Variants in USP43 observed in about 807,000 individuals in gnomAD.
USP43 encodes ubiquitin carboxyl-terminal hydrolase 43.
In USP43, 33 loss-of-function variants were observed where a neutral mutation model predicts 90.7. The ratio of observed to expected loss-of-function variants is 0.36; its 90% CI spans 0.28 to 0.49. USP43 has a LOEUF of 0.49. Among genes scored for constraint, USP43 ranks in the 20% least tolerant of loss-of-function variants. USP43 has a pLI of 0.98. For synonymous variants in USP43, 598 were observed against 615.8 expected (o/e 0.97, Z 0.43); for missense variants, 1,274 against 1,476.4 (o/e 0.86, Z 2.25).
intron 2 of USP43, among the ~76,000 whole-genome samples, chr17:9,658,521 C>T (rs532362731): frequency 2.2e-4 from 34 of 152,196 alleles, no homozygotes; most frequent in African/African-American, 7.9e-4. Context: ...AAATAATCAC[C>T]CCAGTCATTC....
rs1017327407 is a variant in USP43, at chr17:9,701,005, C to T, written c.1536-114C>T. On this transcript the variant is annotated intron_variant, in intron 10 of 14. Coordinates refer to ENST00000285199, the MANE Select transcript of USP43 (RefSeq NM_153210.5). The surrounding 1 kb of genome is among the most constrained non-coding windows in gnomAD (Gnocchi z 7.2). ...TCTCCAGGAACCCATAGGCAGGGCA[C>T]GGTAGTGTGGCCTGGCCAATGTCTG... The T allele has an allele frequency of 4.8e-5, 63 of 1,325,854 alleles. No homozygotes were observed. The highest frequency in any genetic ancestry group is 1.3e-4 in the Admixed American group (4 of 30,196). 82.1% of individuals were successfully genotyped at this position (1,325,854 alleles called of 1,614,324 possible). A position where few individuals can be genotyped will look rare whatever the true frequency, so the allele number is the denominator to read the frequency against.
chr17:9,646,151 GCCGCCGA>G lies in USP43; in HGVS notation c.504+21_504+27del. 1 of 1,410,230 alleles carries G rather than the reference GCCGCCGA, an allele frequency of 7.1e-7. No individual in the cohort carries two copies. The highest frequency in any genetic ancestry group is 9.2e-7 in the Non-Finnish European group (1 of 1,086,554). 87.4% of individuals were successfully genotyped at this position (1,410,230 alleles called of 1,614,324 possible). ...CGGAGTTCAAGGTAGGCAGCGCTGCGCCGCCGACCGCCCTGTCCCCCTGGTTTCGCCT... is the reference window on the plus strand; with the variant it reads ...CGGAGTTCAAGGTAGGCAGCGCTGCGCCGCCCTGTCCCCCTGGTTTCGCCT... On this transcript the variant is annotated intron_variant, in intron 1 of 14. Transcript: ENST00000285199.
At chr17:9,723,104 T>C (rs1185442840) in intron 14 of USP43, among the ~76,000 whole-genome samples, 1 of 152,218 alleles carries the variant, frequency 6.6e-6, no homozygotes, top group East Asian at 1.9e-4. Context: ...GTTGCACGAC[T>C]CTTGAGTCGC....
At position 9,656,388 on chromosome 17, in the gene USP43, CTT is replaced by C. The variant is rs761277685; in HGVS notation, c.505-10_505-9del. On this transcript the variant is annotated splice_polypyrimidine_tract_variant and intron_variant, in intron 1 of 14. Coordinates refer to ENST00000285199, the MANE Select transcript of USP43 (RefSeq NM_153210.5). ...GGGGCCAAATTCACCTCTCGATTTCCTTTTTTCCTTTCAGAATGCAGTTTCCA... is the reference window on the plus strand; with the variant it reads ...GGGGCCAAATTCACCTCTCGATTTCCTTTTCCTTTCAGAATGCAGTTTCCA... The C allele has an allele frequency of 6.2e-7, 1 of 1,608,678 alleles. No individual in the cohort carries two copies. The highest frequency in any genetic ancestry group is 8.5e-7 in the Non-Finnish European group (1 of 1,177,610).
At chr17:9,673,674 G>A (rs1913585547) in intron 3 of USP43, among the ~76,000 whole-genome samples, 1 of 152,212 alleles carries the variant, frequency 6.6e-6, no homozygotes, top group African/African-American at 2.4e-5. Flanking sequence ...GGAATGATAT[G>A]AGCACGGAGT....
Position 9,701,173 on chromosome 17 carries a change from G to A in USP43, c.1590G>A (p.Gln530=), listed in dbSNP as rs762900054. Residue 530 remains glutamine, a synonymous_variant, in exon 11 of 15, where the codon CAG becomes CAA. Coordinates refer to ENST00000285199, the MANE Select transcript of USP43 (RefSeq NM_153210.5). This position sits in a 1 kb window ranked among gnomAD's most constrained non-coding sequence, Gnocchi z 7.2. Reference sequence around the variant, plus strand: ...CGCAGGATGCCGACAGTGTGTGGCAGCAGCAGCAGGCGCATCAGCAGCACA... The same window carrying A: ...CGCAGGATGCCGACAGTGTGTGGCAACAGCAGCAGGCGCATCAGCAGCACA... ...ERAQDADSVW[Q]QQQAHQQHSC... The A allele has an allele frequency of 1.3e-6, 2 of 1,541,822 alleles. No homozygotes were observed.
chr17:9,710,595 C>T (rs917093178), intron 13 of USP43, among the ~76,000 whole-genome samples: 12 of 147,972 alleles, frequency 8.1e-5, no homozygotes, highest in African/African-American at 3.0e-4. Context: ...ACCTCTGCCT[C>T]TTGGGTTCAA....
At chr17:9,663,400 C>T (rs553866240) in intron 2 of USP43, among the ~76,000 whole-genome samples, 2 of 151,328 alleles carry the variant, frequency 1.3e-5, no homozygotes, top group East Asian at 2.0e-4. Flanking sequence ...CAGGTTAAAG[C>T]GATTCTCCTG....
chr17:9,714,407 C>T (rs1423496095), intron 14 of USP43, among the ~76,000 whole-genome samples: 2 of 152,200 alleles, frequency 1.3e-5, no homozygotes, highest in South Asian at 2.1e-4. Flanking sequence ...GAAGGCCGGG[C>T]ACAGTGGCTC....
intron 2 of USP43, 39 bp downstream of exon 2, chr17:9,656,573 C>CT (rs754002461): frequency 3.9e-6 from 6 of 1,553,400 alleles, no homozygotes; most frequent in South Asian, 1.2e-5. Flanking sequence ...ACTGGGTTTT[C>CT]TTTTTTTCTT....
intron 14 of USP43, among the ~76,000 whole-genome samples, chr17:9,719,877 G>C (rs1334346917): frequency 6.6e-6 from 1 of 152,148 alleles, no homozygotes; most frequent in Non-Finnish European, 1.5e-5. Flanking sequence ...GACCAGCCTG[G>C]TCCACATGGC....
chr17:9,690,924 G>A (rs1370504443), intron 8 of USP43, among the ~76,000 whole-genome samples: 2 of 152,014 alleles, frequency 1.3e-5, no homozygotes, highest in Non-Finnish European at 1.5e-5. Context: ...ACAATTCCAC[G>A]TTTTCTCCTC....
intron 8 of USP43, among the ~76,000 whole-genome samples, chr17:9,692,218 G>T (rs1218379321): frequency 6.6e-6 from 1 of 151,960 alleles, no homozygotes; most frequent in East Asian, 1.9e-4. Context: ...AATTAGCCAG[G>T]TGTGGTGGCA....
chr17:9,650,536 G>A (rs1911781401), intron 1 of USP43, among the ~76,000 whole-genome samples: 1 of 152,078 alleles, frequency 6.6e-6, no homozygotes, highest in African/African-American at 2.4e-5. Flanking sequence ...CCAAGTAGCT[G>A]GGATTACAGA....
rs749659296 is a variant in USP43, at chr17:9,728,682, C to G, written c.3064C>G (p.Pro1022Ala). The G allele has an allele frequency of 3.1e-6, 5 of 1,612,538 alleles. No individual in the cohort carries two copies. In the East Asian group the frequency reaches 1.1e-4, roughly 36 times the overall value. The part of the protein sequence containing the change: ...ERAEVSPQVP[P>A]VSLVSGGLSP... ...GGCAGAGGTCTCTCCACAGGTGCCCCCCGTCTCCCTGGTGAGTGGCGGGCT... is the reference window on the plus strand; with the variant it reads ...GGCAGAGGTCTCTCCACAGGTGCCCGCCGTCTCCCTGGTGAGTGGCGGGCT... The change falls in exon 15 of 15, where the codon CCC (proline) becomes GCC (alanine). Residue 1022 changes from proline (P) to alanine (A), a missense_variant. By Grantham distance (27) the Pro-to-Ala change is conservative. Coordinates refer to ENST00000285199, the MANE Select transcript of USP43 (RefSeq NM_153210.5). The surrounding 1 kb of genome is among the most constrained non-coding windows in gnomAD (Gnocchi z 6.2).
Position 9,728,904 on chromosome 17 carries a change from C to G in USP43, c.3286C>G (p.Gln1096Glu). The change falls in exon 15 of 15, where the codon CAG becomes GAG. Residue 1096 changes from glutamine (Q) to glutamate (E), a missense_variant. Transcript: ENST00000285199. The surrounding 1 kb of genome is among the most constrained non-coding windows in gnomAD (Gnocchi z 6.2). ...GMSQRTVPGE[Q>E]ASYGTFQRVK... is the part of the protein sequence containing the mutation. Reference sequence around the variant, plus strand: ...GTCACAAAGGACTGTTCCAGGGGAGCAGGCTTCTTATGGCACCTTTCAGAG... The same window carrying G: ...GTCACAAAGGACTGTTCCAGGGGAGGAGGCTTCTTATGGCACCTTTCAGAG... 1 of 1,613,002 alleles carries G rather than the reference C, an allele frequency of 6.2e-7. No individual in the cohort carries two copies. The highest frequency in any genetic ancestry group is 8.5e-7 in the Non-Finnish European group (1 of 1,179,338).
Position 9,682,893 on chromosome 17 carries a change from C to G in USP43, c.1176C>G (p.Leu392=). ...AGGGCCAGCGATTCTCCCTCTCTCT[C>G]CACAGTGAGAGCAAGGTGCTAATCC... ...AREGQRFSLS[L]HSESKVLILF... The change falls in exon 7 of 15, where the codon CTC becomes CTG. Residue 392 remains leucine (L), a synonymous_variant. Transcript: ENST00000285199. The G allele has an allele frequency of 6.2e-7, 1 of 1,614,048 alleles. No individual in the cohort carries two copies. The highest frequency in any genetic ancestry group is 8.5e-7 in the Non-Finnish European group (1 of 1,179,882).
intron 2 of USP43, among the ~76,000 whole-genome samples, chr17:9,662,121 G>A (rs562149393): frequency 7.2e-5 from 11 of 152,242 alleles, no homozygotes; most frequent in South Asian, 2.1e-4. Flanking sequence ...CATGATTCAC[G>A]TTCAGAGTAG....
chr17:9,692,248 A>G (rs1915002196), intron 8 of USP43, among the ~76,000 whole-genome samples: 1 of 151,232 alleles, frequency 6.6e-6, no homozygotes, highest in Non-Finnish European at 1.5e-5. Flanking sequence ...AATTCCAGCT[A>G]CTCAGGAGGC....
Sources: allele counts gnomAD v4.1 joint callset (sites outside exome capture counted in the v4.1 genomes callset), GRCh38; gene constraint gnomAD v4.1.1; non-coding constraint Gnocchi (gnomAD v3.1); transcripts MANE v1.5; gene names NCBI Gene and HGNC (gene_info 2026-07-23, HGNC 2026-07-21).